Variants in CCSER1 observed in about 807,000 individuals in gnomAD.
The protein encoded by CCSER1 is serine-rich coiled-coil domain-containing protein 1.
A neutral mutation model predicts 82.0 loss-of-function variants in CCSER1; 41 were observed. The observed-to-expected ratio is 0.50, with a 90% CI of 0.39 to 0.65. CCSER1 has a LOEUF of 0.65. Ranked by LOEUF, CCSER1 falls within the 30% of genes least tolerant of loss-of-function variation. The pLI is 0.00. For synonymous variants in CCSER1, 414 were observed against 383.9 expected (o/e 1.08, Z -0.92); for missense variants, 1,119 against 1,064.2 (o/e 1.05, Z -0.72).
chr4:90,301,353 A>G (rs28710453), intron 1 of CCSER1, among the ~76,000 whole-genome samples: 10,521 of 152,134 alleles, frequency 0.069, 1,045 homozygotes, highest in African/African-American at 0.22. Flanking sequence ...TGTTTACTAA[A>G]GTTGGAGAGG....
intron 10 of CCSER1, among the ~76,000 whole-genome samples, chr4:91,516,057 TATGTTTTTTGC>T (rs1179062160): frequency 6.6e-6 from 1 of 152,076 alleles, no homozygotes; most frequent in African/African-American, 2.4e-5. Flanking sequence ...AATGGGGTTG[TATGTTTTTTGC>T]TTGTAAATTT....
chr4:91,364,970 C>T (rs1387493847), intron 10 of CCSER1, among the ~76,000 whole-genome samples: 1 of 151,972 alleles, frequency 6.6e-6, no homozygotes, highest in Non-Finnish European at 1.5e-5. Context: ...CAAAATTAAC[C>T]TAGCCACTGT....
intron 9 of CCSER1, among the ~76,000 whole-genome samples, chr4:91,079,528 C>A (rs1484667541): frequency 6.6e-6 from 1 of 152,090 alleles, no homozygotes; most frequent in African/African-American, 2.4e-5. Flanking sequence ...AGCAAAATAA[C>A]CAGCTAACAT....
chr4:91,476,562 A>G (rs375944189), intron 10 of CCSER1, among the ~76,000 whole-genome samples: 215 of 151,940 alleles, frequency 1.4e-3, no homozygotes, highest in African/African-American at 5.0e-3. Context: ...TAAAATTTAT[A>G]TGGAACAACA....
intron 10 of CCSER1, among the ~76,000 whole-genome samples, chr4:91,274,175 CTT>C (rs1005068991): frequency 6.6e-6 from 1 of 151,978 alleles, no homozygotes; most frequent in Non-Finnish European, 1.5e-5. Flanking sequence ...GATGTGATGA[CTT>C]TTTAATTTTT....
intron 1 of CCSER1, among the ~76,000 whole-genome samples, chr4:90,274,705 C>A (rs921256537): frequency 3.2e-4 from 48 of 152,046 alleles, no homozygotes; most frequent in African/African-American, 1.1e-3. Flanking sequence ...AAAATTTGCA[C>A]TTGACCATCT....
chr4:90,322,284 A>T (rs1405522959), intron 3 of CCSER1, among the ~76,000 whole-genome samples: 1 of 151,926 alleles, frequency 6.6e-6, no homozygotes, highest in Non-Finnish European at 1.5e-5. Flanking sequence ...AAATGAATTC[A>T]CTGTATATGT....
intron 7 of CCSER1, among the ~76,000 whole-genome samples, chr4:90,761,475 A>G (rs1438265257): frequency 2.0e-5 from 3 of 152,154 alleles, no homozygotes; most frequent in South Asian, 2.1e-4. Context: ...TAAATAAAAT[A>G]CAGGTTTGCT....
At chr4:91,028,576 A>G (rs1193087549) in intron 9 of CCSER1, among the ~76,000 whole-genome samples, 1 of 152,002 alleles carries the variant, frequency 6.6e-6, no homozygotes, top group Non-Finnish European at 1.5e-5. Context: ...AATGTTTTGA[A>G]TGAAATAGAG....
intron 5 of CCSER1, among the ~76,000 whole-genome samples, chr4:90,535,573 G>A (rs549826372): frequency 3.2e-4 from 48 of 152,296 alleles, no homozygotes; most frequent in African/African-American, 1.0e-3. Context: ...AGTGCTCAAG[G>A]AGGGGACTAT....
At chr4:91,125,854 A>T (rs1451395981) in intron 10 of CCSER1, among the ~76,000 whole-genome samples, 1 of 151,750 alleles carries the variant, frequency 6.6e-6, no homozygotes, top group Non-Finnish European at 1.5e-5. Context: ...TTTTTTAAAA[A>T]ACTTATTTCA....
chr4:91,225,594 C>G (rs909673847), intron 10 of CCSER1, among the ~76,000 whole-genome samples: 2 of 151,036 alleles, frequency 1.3e-5, no homozygotes, highest in South Asian at 4.2e-4. Flanking sequence ...AGATTAAAAC[C>G]TTTTAACTAA....
At chr4:90,459,071 A>C (rs544546363) in intron 4 of CCSER1, among the ~76,000 whole-genome samples, 1 of 152,156 alleles carries the variant, frequency 6.6e-6, no homozygotes, top group Non-Finnish European at 1.5e-5. Flanking sequence ...ATGTGTATGT[A>C]TGTGTATCTA....
At chr4:90,481,101 G>A (rs1475599765) in intron 5 of CCSER1, among the ~76,000 whole-genome samples, 1 of 152,156 alleles carries the variant, frequency 6.6e-6, no homozygotes, top group Non-Finnish European at 1.5e-5. Context: ...CACATCCCTT[G>A]TAAGTTGGAT....
chr4:90,428,082 A>G (rs77710793), intron 4 of CCSER1, among the ~76,000 whole-genome samples: 4,273 of 151,842 alleles, frequency 0.028, 89 homozygotes, highest in Non-Finnish European at 0.045. Context: ...TTCTTTTTCT[A>G]TTTTCAGTAG....
At chr4:91,313,414 A>G (rs1745626648) in intron 10 of CCSER1, among the ~76,000 whole-genome samples, 1 of 151,806 alleles carries the variant, frequency 6.6e-6, no homozygotes, top group Admixed American at 6.6e-5. Context: ...CTCCTGATCC[A>G]CTACTAAATT....
intron 9 of CCSER1, among the ~76,000 whole-genome samples, chr4:90,976,182 A>G (rs994571486): frequency 1.3e-5 from 2 of 151,330 alleles, no homozygotes; most frequent in Non-Finnish European, 3.0e-5. Context: ...AGGCAGAATT[A>G]AGATTTTTAA....
At chr4:90,195,484 T>G (rs980608966) in intron 1 of CCSER1, among the ~76,000 whole-genome samples, 1 of 152,014 alleles carries the variant, frequency 6.6e-6, no homozygotes, top group African/African-American at 2.4e-5. Flanking sequence ...GTACAGAGTA[T>G]TTTTAGGGCA....
At chr4:90,797,549 T>C (rs1012025299) in intron 7 of CCSER1, among the ~76,000 whole-genome samples, 3 of 152,210 alleles carry the variant, frequency 2.0e-5, no homozygotes, top group Non-Finnish European at 4.4e-5. Context: ...GCTACTTGTT[T>C]ATGTGGTTGC....
Sources: allele counts gnomAD v4.1 joint callset (sites outside exome capture counted in the v4.1 genomes callset), GRCh38; gene constraint gnomAD v4.1.1; transcripts MANE v1.5; gene names NCBI Gene and HGNC (gene_info 2026-07-23, HGNC 2026-07-21).